Variants in PUS3 observed in about 807,000 individuals in gnomAD.
PUS3 encodes tRNA pseudouridine(38/39) synthase.
Under a neutral mutation model 43.3 loss-of-function variants are expected in PUS3, and 36 were observed. The ratio of observed to expected loss-of-function variants is 0.83; its 90% confidence interval spans 0.64 to 1.10. The LOEUF (loss-of-function observed/expected upper bound fraction) is 1.10. Ranked by LOEUF, PUS3 falls within the 50% of genes least tolerant of loss-of-function variation. The pLI is 0.00. For missense variants in PUS3, 544 were observed against 589.9 expected (o/e 0.92, Z 0.81); for synonymous variants, 183 against 199.2 (o/e 0.92, Z 0.69).
chr11:125,898,697 T>C (rs1944664541), intron 1 of PUS3, among the ~76,000 whole-genome samples: 1 of 151,624 alleles, frequency 6.6e-6, no homozygotes, highest in Non-Finnish European at 1.5e-5. Context: ...TATTAAAGCA[T>C]AGAAATTATA....
chr11:125,895,009 C>G (rs570363096), intron 3 of PUS3, among the ~76,000 whole-genome samples: 1 of 151,566 alleles, frequency 6.6e-6, no homozygotes, highest in African/African-American at 2.4e-5. Flanking sequence ...TCAGTGACTT[C>G]GTTATTTAGA....
At chr11:125,901,269 C>G (rs1381736203) in intron 1 of PUS3, among the ~76,000 whole-genome samples, 1 of 152,038 alleles carries the variant, frequency 6.6e-6, no homozygotes, top group African/African-American at 2.4e-5. Context: ...ATAATTTGCC[C>G]CTGAGATTTT....
At chr11:125,898,762 G>A (rs1304420812) in intron 1 of PUS3, among the ~76,000 whole-genome samples, 1 of 145,058 alleles carries the variant, frequency 6.9e-6, no homozygotes, top group Non-Finnish European at 1.6e-5. Flanking sequence ...CACTGCTTTT[G>A]TGATTTTTTT....
chr11:125,899,210 T>C, intron 1 of PUS3: 1 of 642,314 alleles, frequency 1.6e-6, no homozygotes, highest in Non-Finnish European at 2.7e-6. Context: ...GTTCTGATAC[T>C]ACCCTGTATT....
At chr11:125,900,051 T>G (rs778576929) in intron 1 of PUS3, 1 of 1,614,210 alleles carries the variant, frequency 6.2e-7, no homozygotes, top group Non-Finnish European at 8.5e-7. Context: ...TCAATACGTT[T>G]ACCTGGTGAA....
At chr11:125,900,411 A>G (rs535356227) in intron 1 of PUS3, 17 of 732,956 alleles carry the variant, frequency 2.3e-5, no homozygotes, top group Middle Eastern at 3.9e-4. Flanking sequence ...TTTCCTAGCT[A>G]TATATCACAT....
chr11:125,896,026 TA>T lies in PUS3; in HGVS notation c.258del (p.Asn86LysfsTer12). ...TCAAACAGTTTCTCTTCAATGGTAT[TA>T]TTTGTGTTTTCCTGACTAGCAAAGC... is the stretch of plus-strand genomic sequence containing the variant. ...YQGFASQENT[N>X]NTIEEKLFEA... On this transcript the variant is annotated frameshift_variant, in exon 2 of 4. Coordinates refer to ENST00000227474, the MANE Select transcript of PUS3 (RefSeq NM_031307.4). LOFTEE classifies it high-confidence loss of function. The T allele has an allele frequency of 1.2e-6, 2 of 1,614,238 alleles. No individual in the cohort carries two copies. Among genetic ancestry groups the T allele is most frequent in the Non-Finnish European group, 1.7e-6 (2 of 1,180,046 alleles).
At position 125,894,183 on chromosome 11, in the gene PUS3, G is replaced by A. The variant is rs1023270270; in HGVS notation, c.1048C>T (p.Gln350Ter). ...AQEFNITHLQ[Q>*]LWANHAVKTH... ...TTGACAGCATGATTAGCCCACAGTT[G>A]TTGTAGGTGGGTAATATTGAACTCC... Residue 350 changes from glutamine to a stop codon, truncating the protein, a stop_gained, in exon 4 of 4, where the codon CAA becomes TAA. Transcript: ENST00000227474. LOFTEE classifies it high-confidence loss of function. 2 of 1,613,968 alleles carry A rather than the reference G, an allele frequency of 1.2e-6. No individual in the cohort carries two copies. Among genetic ancestry groups the A allele is most frequent in the Non-Finnish European group, 1.7e-6 (2 of 1,179,998 alleles).
At position 125,895,959 on chromosome 11, in the gene PUS3, G is replaced by T. The variant is rs1565453934; in HGVS notation, c.326C>A (p.Ser109Tyr). ...KTRLVESRQT[S>Y]NYHRCGRTDK... ...TGTTCTCCCACATCGGTGATAGTTG[G>T]ATGTCTGTCTGCTTTCTACTAGTCG... The change falls in exon 2 of 4, where the codon TCC becomes TAC. Residue 109 changes from serine to tyrosine, a missense_variant. Coordinates refer to ENST00000227474, the MANE Select transcript of PUS3 (RefSeq NM_031307.4). 1 of 1,614,058 alleles carries T rather than the reference G, an allele frequency of 6.2e-7. No homozygotes were observed. The highest frequency in any genetic ancestry group is 8.5e-7 in the Non-Finnish European group (1 of 1,180,028).
In PUS3 at chr11:125,894,237, C is replaced by G. The variant is rs760980403; in HGVS notation, c.994G>C (p.Val332Leu). The G allele has an allele frequency of 1.2e-6, 2 of 1,613,046 alleles. No individual in the cohort carries two copies. The change falls in exon 4 of 4, where the codon GTC (valine) becomes CTC (leucine). Residue 332 changes from valine to leucine, a missense_variant. Transcript: ENST00000227474. ...GCCTCCTGGTCATAGATCCACTTGA[C>G]ATTTTCAAACTTACAGTCATATAAG... ...LVLYDCKFEN[V>L]KWIYDQEAQE...
intron 1 of PUS3, chr11:125,900,957 G>T (rs1944754503): frequency 1.3e-5 from 2 of 149,778 alleles, no homozygotes; most frequent in Admixed American, 1.3e-4. Context: ...CCTGCAGTGA[G>T]CCGAGATTGC....
rs781514240 is a variant in PUS3 at position 125,899,357 on chromosome 11, G to A, written c.-46-3027C>T. 3.1e-6 allele frequency: 5 copies of A among 1,613,512 alleles called. No homozygotes were observed. In the South Asian group the frequency reaches 3.3e-5, roughly 11 times the overall value. On this transcript the variant is annotated intron_variant, in intron 1 of 3. Coordinates refer to ENST00000227474, the MANE Select transcript of PUS3 (RefSeq NM_031307.4). ...TATCTCTTGCAGAAGGTCCTACAGT[G>A]TAGGGGAAGCAATGGAAGAACTTCT...
Position 125,895,940 on chromosome 11 carries a change from C to T in PUS3, c.345G>A (p.Gly115=). 1 of 1,613,816 alleles carries T rather than the reference C, an allele frequency of 6.2e-7. No individual in the cohort carries two copies. Among genetic ancestry groups the T allele is most frequent in the Non-Finnish European group, 8.5e-7 (1 of 1,180,044 alleles). The change falls in exon 2 of 4, where the codon GGG becomes GGA. Residue 115 remains glycine, a synonymous_variant. Coordinates refer to ENST00000227474, the MANE Select transcript of PUS3 (RefSeq NM_031307.4). ...SRQTSNYHRC[G]RTDKGVSAFG... is the part of the protein sequence containing the mutation. ...AGGCACTAACTCCTTTATCTGTTCT[C>T]CCACATCGGTGATAGTTGGATGTCT... is the stretch of plus-strand genomic sequence containing the variant.
intron 1 of PUS3, among the ~76,000 whole-genome samples, chr11:125,902,251 CGT>C (rs1162495799): frequency 1.3e-5 from 2 of 151,986 alleles, no homozygotes; most frequent in Non-Finnish European, 2.9e-5. Flanking sequence ...AGAGGGAATT[CGT>C]GTGTCCCCTA....
In PUS3 at chr11:125,903,087, A is replaced by T. The variant is rs1944820971; in HGVS notation, c.-47+83T>A. On this transcript the variant is annotated intron_variant, in intron 1 of 3. Coordinates refer to ENST00000227474, the MANE Select transcript of PUS3 (RefSeq NM_031307.4). Reference sequence around the variant, plus strand: ...TGAAAGAGGGCAAAAAGAAGACAACAGACAACCGTTCAGCAGTGTGTCCAT... The same window carrying T: ...TGAAAGAGGGCAAAAAGAAGACAACTGACAACCGTTCAGCAGTGTGTCCAT... The T allele has an allele frequency of 4.6e-5, 30 of 655,090 alleles. 1 individual carries two copies. The South Asian group carries it at 1.6e-3, about 35-fold the overall frequency. The allele number at this position is 655,090 out of a possible 1,614,324, so 40.6% of individuals were successfully genotyped here. A position where few individuals can be genotyped will look rare whatever the true frequency, so the allele number is the denominator to read the frequency against.
chr11:125,899,690 T>C, intron 1 of PUS3: 1 of 1,614,196 alleles, frequency 6.2e-7, no homozygotes, highest in Non-Finnish European at 8.5e-7. Context: ...TGGGGAAGTA[T>C]TAGTAACAGA....
chr11:125,893,832 G>A lies in PUS3; in HGVS notation c.1399C>T (p.Pro467Ser). The A allele has an allele frequency of 1.1e-5, 18 of 1,613,842 alleles. No homozygotes were observed. The highest frequency in any genetic ancestry group is 1.4e-5 in the Non-Finnish European group (17 of 1,179,956). Residue 467 changes from proline (P) to serine (S), a missense_variant, in exon 4 of 4, where the codon CCA becomes TCA. By Grantham distance (74) the Pro-to-Ser change is moderately conservative. Coordinates refer to ENST00000227474, the MANE Select transcript of PUS3 (RefSeq NM_031307.4). ...LEEENTNLET[P>S]TKRVCVDTEI... ...GTGTCAACACAGACCCTCTTCGTTGGTGTCTCCAAATTAGTATTCTCTTCC... is the reference window on the plus strand; with the variant it reads ...GTGTCAACACAGACCCTCTTCGTTGATGTCTCCAAATTAGTATTCTCTTCC...
chr11:125,901,337 G>A (rs919872039), intron 1 of PUS3, among the ~76,000 whole-genome samples: 3 of 152,128 alleles, frequency 2.0e-5, no homozygotes, highest in African/African-American at 7.2e-5. Context: ...ATTCAAACTA[G>A]TAACATCTGG....
At position 125,895,975 on chromosome 11, in the gene PUS3, C is replaced by T. The variant is rs571720407; in HGVS notation, c.310G>A (p.Glu104Lys). 6.2e-7 allele frequency: 1 copy of T among 1,614,200 alleles called. No homozygotes were observed. The highest frequency in any genetic ancestry group is 1.3e-5 in the African/African-American group (1 of 75,062). Residue 104 changes from glutamate to lysine, a missense_variant, in exon 2 of 4, where the codon GAA becomes AAA. By Grantham distance (56) the Glu-to-Lys change is moderately conservative (BLOSUM62 1). Coordinates refer to ENST00000227474, the MANE Select transcript of PUS3 (RefSeq NM_031307.4). ...TGATAGTTGGATGTCTGTCTGCTTT[C>T]TACTAGTCGAGTCTTGGTTAGAGCT... The part of the protein sequence containing the change: ...FEALTKTRLV[E>K]SRQTSNYHRC...
Sources: allele counts gnomAD v4.1 joint callset (sites outside exome capture counted in the v4.1 genomes callset), GRCh38; gene constraint gnomAD v4.1.1; transcripts MANE v1.5; gene names NCBI Gene and HGNC (gene_info 2026-07-23, HGNC 2026-07-21).